The following KCND2 variants were observed in gnomAD, a reference collection of about 807,000 sequenced individuals.
The protein encoded by KCND2 is potassium voltage-gated channel subfamily D member 2.
In KCND2, 16 loss-of-function variants were observed where a neutral mutation model predicts 54.4. The observed-to-expected ratio is 0.29, with a 90% confidence interval of 0.20 to 0.45. The LOEUF is 0.45. KCND2 is among the 20% of genes least tolerant of loss of function. KCND2 has a pLI of 1.00. For synonymous variants in KCND2, 317 were observed against 310.7 expected, an observed-to-expected ratio of 1.02 and a Z score of -0.21; for missense variants, 486 against 824.2, an observed-to-expected ratio of 0.59 and a Z score of 5.02.
At chr7:120,582,071 A>C (rs947144230) in intron 1 of KCND2, among the ~76,000 whole-genome samples, 1 of 152,162 alleles carries the variant, frequency 6.6e-6, no homozygotes, top group African/African-American at 2.4e-5. Flanking sequence ...CAGTCCTTTT[A>C]ATATTTAAGG....
At chr7:120,326,337 G>A (rs182544384) in intron 1 of KCND2, among the ~76,000 whole-genome samples, 35 of 152,068 alleles carry the variant, frequency 2.3e-4, no homozygotes, top group South Asian at 1.2e-3. Flanking sequence ...AATGACACTC[G>A]TTTTAACTTT....
At chr7:120,545,298 G>A (rs1792030032) in intron 1 of KCND2, among the ~76,000 whole-genome samples, 1 of 151,870 alleles carries the variant, frequency 6.6e-6, no homozygotes, top group Admixed American at 6.6e-5. Context: ...AAAGCAGATA[G>A]CTGTCTTCTC....
intron 1 of KCND2, among the ~76,000 whole-genome samples, chr7:120,630,710 C>T (rs538253421): frequency 2.2e-4 from 34 of 152,198 alleles, no homozygotes; most frequent in African/African-American, 7.5e-4. Flanking sequence ...TGTGATATCT[C>T]GCTTAAAAGG....
intron 1 of KCND2, among the ~76,000 whole-genome samples, chr7:120,437,548 A>G (rs1256377907): frequency 7.3e-6 from 1 of 136,964 alleles, no homozygotes; most frequent in African/African-American, 3.1e-5. Context: ...GGAAGGCCAT[A>G]AGCTAAAAAA....
intron 1 of KCND2, among the ~76,000 whole-genome samples, chr7:120,529,189 C>G (rs966044260): frequency 1.3e-5 from 2 of 152,146 alleles, no homozygotes; most frequent in African/African-American, 4.8e-5. Flanking sequence ...TTGCCTACCC[C>G]TCTTGAGGTT....
At chr7:120,478,962 C>T (rs114755893) in intron 1 of KCND2, among the ~76,000 whole-genome samples, 223 of 152,192 alleles carry the variant, frequency 1.5e-3, no homozygotes, top group African/African-American at 5.0e-3. Flanking sequence ...AGAGTGTTCT[C>T]CTTGGTTCAA....
intron 1 of KCND2, among the ~76,000 whole-genome samples, chr7:120,716,351 T>C (rs998879161): frequency 1.3e-5 from 2 of 152,146 alleles, no homozygotes; most frequent in African/African-American, 4.8e-5. Context: ...ATGACTTTCC[T>C]ACATTAATCT....
chr7:120,585,435 T>A (rs1486671045), intron 1 of KCND2, among the ~76,000 whole-genome samples: 1 of 152,096 alleles, frequency 6.6e-6, no homozygotes, highest in Non-Finnish European at 1.5e-5. Flanking sequence ...GTGCACAAAC[T>A]TACATACTTC....
chr7:120,483,812 T>C (rs1316430819), intron 1 of KCND2, among the ~76,000 whole-genome samples: 1 of 152,190 alleles, frequency 6.6e-6, no homozygotes, highest in Non-Finnish European at 1.5e-5. Context: ...GAGTGGTTAA[T>C]TAAGATGAAG....
At chr7:120,534,720 G>A (rs147465963) in intron 1 of KCND2, among the ~76,000 whole-genome samples, 88 of 152,078 alleles carry the variant, frequency 5.8e-4, no homozygotes, top group Middle Eastern at 3.4e-3. Flanking sequence ...AGGTACATAC[G>A]AACTCTCTGT....
At chr7:120,539,093 G>A (rs1319410672) in intron 1 of KCND2, among the ~76,000 whole-genome samples, 1 of 151,742 alleles carries the variant, frequency 6.6e-6, no homozygotes, top group East Asian at 1.9e-4. Context: ...AACACATATA[G>A]ACTATATAAC....
chr7:120,469,681 A>G (rs1331287710), intron 1 of KCND2, among the ~76,000 whole-genome samples: 1 of 152,128 alleles, frequency 6.6e-6, no homozygotes, highest in East Asian at 1.9e-4. Flanking sequence ...GCAGCCCTGG[A>G]CTGTGACTGT....
chr7:120,309,812 C>T (rs1238849166), intron 1 of KCND2, among the ~76,000 whole-genome samples: 1 of 152,074 alleles, frequency 6.6e-6, no homozygotes, highest in Non-Finnish European at 1.5e-5. Context: ...TCTCTGTATA[C>T]AATAAAACTG....
Position 120,737,073 on chromosome 7 carries a change from C to A in KCND2, c.1278+4008C>A, listed in dbSNP as rs865886700. Among the ~76,000 whole-genome samples the A allele has an allele frequency of 4.6e-3, 484 of 104,926 alleles. 5 individuals carry two copies. Among genetic ancestry groups the A allele is most frequent in the African/African-American group, 0.019 (430 of 22,096 alleles). The allele number at this position is 104,926 out of a possible 152,430, so 68.8% of individuals were successfully genotyped here. On this transcript the variant is annotated intron_variant, in intron 2 of 5. Transcript: ENST00000331113. ...ACACACACACACACACACACACACA[C>A]ACAAACAAAAAAAAAAAAAACAAAA... is the stretch of plus-strand genomic sequence containing the variant.
At chr7:120,427,014 G>C (rs1456234218) in intron 1 of KCND2, among the ~76,000 whole-genome samples, 1 of 152,172 alleles carries the variant, frequency 6.6e-6, no homozygotes, top group Non-Finnish European at 1.5e-5. Flanking sequence ...ATTGTCAAAT[G>C]CACCTGATGA....
chr7:120,478,425 C>CA (rs11386124), intron 1 of KCND2, among the ~76,000 whole-genome samples: 34,417 of 151,792 alleles, frequency 0.23, 5,014 homozygotes, highest in East Asian at 0.49. Context: ...AATTTTTAGG[C>CA]AAAAAACCTT....
In KCND2 at chr7:120,749,444, A is replaced by G. The variant is rs1211412126; in HGVS notation, c.*1586A>G. The stretch of plus-strand genomic sequence containing the variant: ...TGTAAAAAAGTTTAATGTCAAATGC[A>G]AAGTTTTTATTCATTCCAAGCCACC... On this transcript the variant is annotated 3_prime_UTR_variant, in exon 6 of 6. Coordinates refer to ENST00000331113, the MANE Select transcript of KCND2 (RefSeq NM_012281.3). The G allele has an allele frequency of 6.6e-6, 1 of 152,364 alleles. No individual in the cohort carries two copies. The highest frequency in any genetic ancestry group is 1.5e-5 in the Non-Finnish European group (1 of 67,822). The allele number at this position is 152,364 out of a possible 1,614,324, so 9.4% of individuals were successfully genotyped here. A position where few individuals can be genotyped will look rare whatever the true frequency, so the allele number is the denominator to read the frequency against.
rs193087822 is a variant in KCND2 at position 120,745,481 on chromosome 7, T to C, written c.1468-299T>C. Among the ~76,000 whole-genome samples, 421 of 152,050 alleles carry C rather than the reference T, an allele frequency of 2.8e-3. 3 individuals are homozygous for C. Among genetic ancestry groups the C allele is most frequent in the African/African-American group, 1.0e-2 (414 of 41,502 alleles). ...TTTTAGGTTTTTTTTTTCCTTATCA[T>C]ATACCTTCCAGATTTTATGTTTAAA... On this transcript the variant is annotated intron_variant, in intron 4 of 5. Coordinates refer to ENST00000331113, the MANE Select transcript of KCND2 (RefSeq NM_012281.3).
intron 1 of KCND2, among the ~76,000 whole-genome samples, chr7:120,613,695 C>T (rs1377124162): frequency 6.6e-6 from 1 of 152,176 alleles, no homozygotes; most frequent in African/African-American, 2.4e-5. Flanking sequence ...TGGGGACATT[C>T]TGGCTGGGGA....
Sources: gnomAD v4.1 joint callset for allele counts (sites outside exome capture counted in the v4.1 genomes callset) on GRCh38, gnomAD v4.1.1 for gene constraint, MANE v1.5 for transcripts, NCBI Gene and HGNC (gene_info 2026-07-23, HGNC 2026-07-21) for gene names.